RGS22: variants seen among roughly 807,000 people sequenced by gnomAD.
RGS22 encodes regulator of G protein signaling 22.
In RGS22, 148 loss-of-function variants were observed where a neutral mutation model predicts 172.9. The ratio of observed to expected loss-of-function variants is 0.86; its 90% CI spans 0.75 to 0.98. The LOEUF is 0.98. Ranked by LOEUF, RGS22 falls within the 50% of genes least tolerant of loss-of-function variation. The pLI, the probability that RGS22 is intolerant of heterozygous loss-of-function variation, is 0.00. For synonymous variants in RGS22, 458 were observed against 480.2 expected, an observed-to-expected ratio of 0.95 and a Z score of 0.60; for missense variants, 1,347 against 1,440.8, an observed-to-expected ratio of 0.93 and a Z score of 1.05.
At chr8:99,983,343 TGG>T (rs377437663) in intron 21 of RGS22, among the ~76,000 whole-genome samples, 7 of 152,336 alleles carry the variant, frequency 4.6e-5, no homozygotes, top group Non-Finnish European at 4.4e-5. Flanking sequence ...CTGGGTCAAA[TGG>T]TAGCTCTGTT....
intron 22 of RGS22, 100 bp downstream of exon 22, chr8:99,981,837 C>T (rs1812583172): frequency 6.9e-6 from 7 of 1,015,502 alleles, no homozygotes; most frequent in African/African-American, 1.7e-5. Flanking sequence ...GCTGGGATTA[C>T]AGGCGTGAGC....
intron 3 of RGS22, among the ~76,000 whole-genome samples, chr8:100,082,187 T>C (rs1434710181): frequency 6.6e-6 from 1 of 152,214 alleles, no homozygotes; most frequent in Non-Finnish European, 1.5e-5. Context: ...ATGTCTATCA[T>C]GTGATAGGTG....
intron 4 of RGS22, among the ~76,000 whole-genome samples, chr8:100,073,340 G>T (rs1222341287): frequency 6.6e-6 from 1 of 151,644 alleles, no homozygotes; most frequent in Non-Finnish European, 1.5e-5. Context: ...AGGGTGATGT[G>T]TGCTCATCAT....
chr8:100,020,969 T>C, intron 14 of RGS22, among the ~76,000 whole-genome samples: 1 of 152,194 alleles, frequency 6.6e-6, no homozygotes, highest in African/African-American at 2.4e-5. Context: ...AAATCATCCA[T>C]GGTGAGAGTA....
chr8:100,084,148 G>T (rs576458050), intron 3 of RGS22, among the ~76,000 whole-genome samples: 19 of 152,094 alleles, frequency 1.2e-4, no homozygotes, highest in Admixed American at 3.9e-4. Context: ...CATAATTTTA[G>T]TTAAGGCTTA....
At chr8:100,005,884 G>T in intron 16 of RGS22, 133 bp downstream of exon 16, 1 of 587,440 alleles carries the variant, frequency 1.7e-6, no homozygotes. Context: ...CAGCATGCTA[G>T]GCAAAGGAAC....
Position 100,072,224 on chromosome 8 carries a change from T to G in RGS22, c.346A>C (p.Ser116Arg), listed in dbSNP as rs1283639369. 6.4e-7 allele frequency: 1 copy of G among 1,563,078 alleles called. No homozygotes were observed. Residue 116 changes from serine (S) to arginine (R), a missense_variant, in exon 5 of 28, where the codon AGT (serine) becomes CGT (arginine). Transcript: ENST00000360863. ...INVNYNIMCL[S>R]REEGIKWIKK... ...ATCCACTTAATACCTTCTTCACGAC[T>G]GAGACACTATGAGAAGAAAGAGAAA... is the stretch of plus-strand genomic sequence containing the variant.
At chr8:99,962,025 C>A (rs1810252508) in intron 27 of RGS22, among the ~76,000 whole-genome samples, 1 of 151,884 alleles carries the variant, frequency 6.6e-6, no homozygotes, top group Admixed American at 6.6e-5. Context: ...GTATAATCAC[C>A]TCAGAATCTG....
rs80177470 is a variant in RGS22, at chr8:99,967,959, G to A, written c.3520-2529C>T. On this transcript the variant is annotated intron_variant, in intron 23 of 27. Coordinates refer to ENST00000360863, the MANE Select transcript of RGS22 (RefSeq NM_015668.5). ...CTGCAGACACCTCCCAGCAGGGGTC[G>A]ACAGACACTTCACACAGGATAGATC... Among the ~76,000 whole-genome samples the A allele has an allele frequency of 2.8e-3, 428 of 152,280 alleles. 17 individuals carry two copies. In the East Asian group the frequency reaches 0.076, roughly 27 times the overall value.
chr8:99,992,630 A>T (rs567121472), intron 20 of RGS22, among the ~76,000 whole-genome samples: 86 of 152,276 alleles, frequency 5.6e-4, no homozygotes, highest in Non-Finnish European at 5.6e-4. Flanking sequence ...GTCCTTAGAG[A>T]CCTATGAAGA....
intron 9 of RGS22, among the ~76,000 whole-genome samples, chr8:100,057,898 C>G (rs1233589507): frequency 1.3e-5 from 2 of 152,134 alleles, no homozygotes; most frequent in Non-Finnish European, 1.5e-5. Context: ...TCTGGAGAAA[C>G]AGAGATATGT....
rs1563674515 is a variant in RGS22, at chr8:100,052,813, G to GT, written c.1677dup (p.Pro560ThrfsTer2). The GT allele has an allele frequency of 6.2e-7, 1 of 1,613,950 alleles. No homozygotes were observed. The highest frequency in any genetic ancestry group is 8.5e-7 in the Non-Finnish European group (1 of 1,179,904). On this transcript the variant is annotated frameshift_variant, in exon 10 of 28. Transcript: ENST00000360863. LOFTEE classifies it high-confidence loss of function. ...AATGTACACCCTACCTGGATCTCAGGTATCTGTGGAATGCAAGATTTGGGT... is the reference window on the plus strand; with the variant it reads ...AATGTACACCCTACCTGGATCTCAGGTTATCTGTGGAATGCAAGATTTGGGT...
rs184997905 is a variant in RGS22 at position 100,033,557 on chromosome 8, C to T, written c.2166+5374G>A. Reference sequence around the variant, plus strand: ...TACCAACCAAAAAAAAAAAAAAGTCCAGGACCAGATGGATTCACAGCTGAA... The same window carrying T: ...TACCAACCAAAAAAAAAAAAAAGTCTAGGACCAGATGGATTCACAGCTGAA... On this transcript the variant is annotated intron_variant, in intron 14 of 27. Coordinates refer to ENST00000360863, the MANE Select transcript of RGS22 (RefSeq NM_015668.5). Among the ~76,000 whole-genome samples, 326 of 151,436 alleles carry T rather than the reference C, an allele frequency of 2.2e-3. 1 individual carries two copies. The highest frequency in any genetic ancestry group is 7.2e-3 in the African/African-American group (297 of 41,338).
intron 14 of RGS22, among the ~76,000 whole-genome samples, chr8:100,009,144 G>A (rs1816075319): frequency 6.6e-6 from 1 of 152,010 alleles, no homozygotes; most frequent in African/African-American, 2.4e-5. Flanking sequence ...GAGGCCAGGT[G>A]CAGTGGCTCA....
intron 2 of RGS22, among the ~76,000 whole-genome samples, chr8:100,093,825 T>C (rs1812767833): frequency 6.6e-6 from 1 of 152,122 alleles, no homozygotes; most frequent in African/African-American, 2.4e-5. Flanking sequence ...AAATACAAAA[T>C]AATACCACCA....
At position 99,962,437 on chromosome 8, in the gene RGS22, T is replaced by C. The variant is rs771929908; in HGVS notation, c.*2A>G. 2 of 1,613,688 alleles carry C rather than the reference T, an allele frequency of 1.2e-6. No homozygotes were observed. Among genetic ancestry groups the C allele is most frequent in the East Asian group, 2.2e-5 (1 of 44,886 alleles). On this transcript the variant is annotated 3_prime_UTR_variant, in exon 27 of 28. Transcript: ENST00000360863. ...AGGATGTAAACATTCACAAGAATGC[T>C]GTCACTCTGGAAAAGACATGAAGTT... is the stretch of plus-strand genomic sequence containing the variant.
intron 19 of RGS22, among the ~76,000 whole-genome samples, chr8:99,998,453 C>T (rs576930665): frequency 2.0e-5 from 3 of 152,214 alleles, no homozygotes; most frequent in Admixed American, 2.0e-4. Context: ...TTCCTATAGT[C>T]CTAGCAACTC....
intron 7 of RGS22, 53 bp downstream of exon 7, chr8:100,066,114 A>C: frequency 6.4e-7 from 1 of 1,568,898 alleles, no homozygotes; most frequent in Non-Finnish European, 8.7e-7. Flanking sequence ...TAGAACAAAC[A>C]AACAAAAACT....
chr8:99,993,919 G>A (rs865796146), intron 20 of RGS22, among the ~76,000 whole-genome samples: 1 of 152,114 alleles, frequency 6.6e-6, no homozygotes. Context: ...TATCCACCAC[G>A]ATCAAGTCTG....
Sources: gnomAD v4.1 joint callset for allele counts (sites outside exome capture counted in the v4.1 genomes callset) on GRCh38, gnomAD v4.1.1 for gene constraint, MANE v1.5 for transcripts, NCBI Gene and HGNC (gene_info 2026-07-23, HGNC 2026-07-21) for gene names.